The following CPLANE1 variants were observed in gnomAD, a reference collection of about 807,000 sequenced individuals.
CPLANE1 encodes the protein ciliogenesis and planar polarity effector 1.
CPLANE1 carries 263 observed loss-of-function variants against 362.5 expected under a neutral mutation model. The observed-to-expected ratio is 0.73, with a 90% CI of 0.66 to 0.80. The LOEUF (loss-of-function observed/expected upper bound fraction) is 0.80, where lower values mean the gene tolerates loss of function less well. CPLANE1 is among the 30% of genes least tolerant of loss of function. The probability of loss-of-function intolerance (pLI) is 0.00; values close to 1 mark genes in which losing one functional copy is unlikely to be tolerated. For synonymous variants in CPLANE1, 1,212 were observed against 1,302.6 expected (o/e 0.93, Z 1.50); for missense variants, 3,461 against 3,793.4 (o/e 0.91, Z 2.30).
intron 8 of CPLANE1, among the ~76,000 whole-genome samples, chr5:37,232,079 AAAGG>A (rs1297395932): frequency 6.6e-6 from 1 of 152,212 alleles, no homozygotes; most frequent in African/African-American, 2.4e-5. Flanking sequence ...AGTATTCAGA[AAAGG>A]AAGTTAGAAG....
At chr5:37,143,779 C>T (rs1770527866) in intron 43 of CPLANE1, among the ~76,000 whole-genome samples, 1 of 151,790 alleles carries the variant, frequency 6.6e-6, no homozygotes, top group Non-Finnish European at 1.5e-5. Flanking sequence ...ACTAAAAACA[C>T]AAAAAATTTG....
the CPLANE1 span, among the ~76,000 whole-genome samples, chr5:37,083,990 A>C: frequency 6.6e-6 from 1 of 152,226 alleles, no homozygotes; most frequent in South Asian, 2.1e-4. Context: ...AGGTTATCTA[A>C]ATTTAAGATG....
At position 37,180,035 on chromosome 5, in the gene CPLANE1, G is replaced by C. The variant is rs765117763; in HGVS notation, c.5719C>G (p.His1907Asp). 6.4e-7 allele frequency: 1 copy of C among 1,566,882 alleles called. No individual in the cohort carries two copies. Among genetic ancestry groups the C allele is most frequent in the Non-Finnish European group, 8.6e-7 (1 of 1,158,260 alleles). The change falls in exon 28 of 53, where the codon CAC becomes GAC. Residue 1907 changes from histidine (H) to aspartate (D), a missense_variant. His to Asp is a moderately conservative substitution (Grantham distance 81). Around this residue, in one of 2 missense-constraint regions of CPLANE1, gnomAD observed 3,380 missense variants for 3,666.1 expected, o/e 0.92. Transcript: ENST00000651892. Reference sequence around the variant, plus strand: ...AACTGACCTTCATAGTCTGATATGTGCATATCCATTTCCTCTTCTGTAAAT... The same window carrying C: ...AACTGACCTTCATAGTCTGATATGTCCATATCCATTTCCTCTTCTGTAAAT... ...EAFTEEEMDM[H>D]ISDYEEDIEE...
intron 51 of CPLANE1, among the ~76,000 whole-genome samples, chr5:37,113,982 T>G (rs565587168): frequency 7.9e-5 from 12 of 152,260 alleles, no homozygotes; most frequent in Non-Finnish European, 1.5e-4. Flanking sequence ...CCAGCTAATT[T>G]TTGTATTTTT....
intron 16 of CPLANE1, among the ~76,000 whole-genome samples, chr5:37,207,938 GT>G (rs1264835808): frequency 1.3e-5 from 2 of 151,654 alleles, no homozygotes; most frequent in Non-Finnish European, 2.9e-5. Context: ...TTTTTTTGTT[GT>G]TGTTGTTTTT....
At chr5:37,194,888 C>T (rs1384653727) in intron 21 of CPLANE1, among the ~76,000 whole-genome samples, 1 of 151,678 alleles carries the variant, frequency 6.6e-6, no homozygotes, top group Non-Finnish European at 1.5e-5. Context: ...CGCGGTGGCT[C>T]ACACCTGTAA....
Position 37,244,436 on chromosome 5 carries a change from A to G in CPLANE1, c.509T>C (p.Val170Ala), listed in dbSNP as rs1462893252. The stretch of plus-strand genomic sequence containing the variant: ...TTTATCTTCGGTGGAAGGCAAGAGA[A>G]CTGCTTCTTCAGGTATGACCTGGGA... ...RWSQVIPEEAVLLPSTEDKEA... is the reference protein window; with the variant it reads ...RWSQVIPEEAALLPSTEDKEA... The change falls in exon 5 of 53, where the codon GTT (valine) becomes GCT (alanine). Residue 170 changes from valine to alanine, a missense_variant. This residue lies in a region of CPLANE1 where 3,380 missense variants were observed against 3,666.1 expected (regional missense o/e 0.92). Transcript: ENST00000651892. The G allele has an allele frequency of 2.6e-6, 4 of 1,551,448 alleles. No individual in the cohort carries two copies. The highest frequency in any genetic ancestry group is 2.7e-5 in the African/African-American group (2 of 73,008).
rs863225156 is a variant in CPLANE1 at position 37,168,833 on chromosome 5, TG to T, written c.7190del (p.Pro2397GlnfsTer37). 4 of 1,613,490 alleles carry T rather than the reference TG, an allele frequency of 2.5e-6. No individual in the cohort carries two copies. The highest frequency in any genetic ancestry group is 3.4e-6 in the Non-Finnish European group (4 of 1,179,842). ...IQPIAEERKY[P>X]RLSLLHSHLS... ...AATGTGAATGAAGTAATGACAATCTTGGGTATTTTCTTTCTTCTGCTATAGG... is the reference window on the plus strand; with the variant it reads ...AATGTGAATGAAGTAATGACAATCTTGGTATTTTCTTTCTTCTGCTATAGG... On this transcript the variant is annotated frameshift_variant, in exon 34 of 53. Transcript: ENST00000651892. LOFTEE classifies it high-confidence loss of function.
intron 14 of CPLANE1, among the ~76,000 whole-genome samples, chr5:37,222,691 T>A (rs148368887): frequency 6.6e-6 from 1 of 152,324 alleles, no homozygotes; most frequent in East Asian, 1.9e-4. Flanking sequence ...ATGCTGCTCT[T>A]TTCATCCAGA....
intron 43 of CPLANE1, among the ~76,000 whole-genome samples, chr5:37,145,687 C>G (rs1771343020): frequency 6.6e-6 from 1 of 151,916 alleles, no homozygotes; most frequent in Non-Finnish European, 1.5e-5. Context: ...TGAACCAATA[C>G]AGCAGGAAAG....
intron 42 of CPLANE1, among the ~76,000 whole-genome samples, chr5:37,149,696 T>G (rs752139992): frequency 1.3e-5 from 2 of 151,968 alleles, no homozygotes; most frequent in Non-Finnish European, 1.5e-5. Flanking sequence ...TATGAATGTG[T>G]TTTTTTTCTG....
chr5:37,210,837 G>T lies in CPLANE1; in HGVS notation c.2920+2722C>A, dbSNP rs191009239. On this transcript the variant is annotated intron_variant, in intron 16 of 52. Coordinates refer to ENST00000651892, the MANE Select transcript of CPLANE1 (RefSeq NM_001384732.1). The stretch of plus-strand genomic sequence containing the variant: ...GAAAGAACTAAGGAGAGCAGAAAAG[G>T]CTACAGTGGTTGAGCATGAGGAGTT... 5.7e-5 allele frequency: 51 copies of T among 889,758 alleles called. No individual in the cohort carries two copies. In the East Asian group the frequency reaches 1.2e-3, roughly 20 times the overall value. The allele number at this position is 889,758 out of a possible 1,614,324, so 55.1% of individuals were successfully genotyped here.
chr5:37,177,758 C>A, intron 29 of CPLANE1, 58 bp from the exon 30 acceptor site: 1 of 1,337,214 alleles, frequency 7.5e-7, no homozygotes, highest in South Asian at 1.2e-5. Context: ...GTATTACTGT[C>A]TTGAGTATTT....
chr5:37,247,159 T>A (rs556525941), intron 2 of CPLANE1, among the ~76,000 whole-genome samples: 2 of 152,334 alleles, frequency 1.3e-5, no homozygotes, highest in Non-Finnish European at 2.9e-5. Context: ...TGCCATATAT[T>A]ATGAATGGCA....
intron 42 of CPLANE1, among the ~76,000 whole-genome samples, chr5:37,149,656 G>A (rs866742421): frequency 3.3e-5 from 5 of 152,034 alleles, no homozygotes; most frequent in African/African-American, 1.2e-4. Flanking sequence ...AAAATGCAAC[G>A]ATTATAACAA....
At chr5:37,208,946 A>G (rs1172022100) in intron 16 of CPLANE1, among the ~76,000 whole-genome samples, 5 of 91,388 alleles carry the variant, frequency 5.5e-5, no homozygotes, top group African/African-American at 1.5e-4. Flanking sequence ...TGAAAAAAAA[A>G]AAGAAAAGAA....
chr5:37,120,139 C>T (rs1298421762), intron 50 of CPLANE1, 77 bp downstream of exon 50: 5 of 1,401,998 alleles, frequency 3.6e-6, no homozygotes, highest in East Asian at 2.4e-5. Flanking sequence ...ATACCTTTTA[C>T]TAATGAAAAC....
chr5:37,133,900 G>A (rs1340235133), intron 46 of CPLANE1, among the ~76,000 whole-genome samples: 1 of 152,082 alleles, frequency 6.6e-6, no homozygotes, highest in Admixed American at 6.6e-5. Flanking sequence ...GTAAGATGTT[G>A]GCTGTGGGTT....
intron 46 of CPLANE1, among the ~76,000 whole-genome samples, chr5:37,136,363 G>A (rs984153510): frequency 2.6e-5 from 4 of 152,232 alleles, no homozygotes; most frequent in African/African-American, 9.6e-5. Flanking sequence ...AGGTCATGCT[G>A]ATGCAAGAGG....
Sources: allele counts gnomAD v4.1 joint callset (sites outside exome capture counted in the v4.1 genomes callset), GRCh38; gene constraint gnomAD v4.1.1; regional missense constraint gnomAD v4.1.1; transcripts MANE v1.5; gene names NCBI Gene and HGNC (gene_info 2026-07-23, HGNC 2026-07-21).